Variants in SEL1L observed in about 807,000 individuals in gnomAD.
The protein encoded by SEL1L is protein sel-1 homolog 1.
In SEL1L, 52 loss-of-function variants were observed where a neutral mutation model predicts 109.8. The ratio of observed to expected loss-of-function variants is 0.47; its 90% CI spans 0.38 to 0.60. SEL1L has a LOEUF of 0.60. Ranked by LOEUF, SEL1L falls within the 20% of genes least tolerant of loss-of-function variation. SEL1L has a pLI of 0.00. For synonymous variants in SEL1L, 373 were observed against 339.6 expected (o/e 1.10, Z -1.08); for missense variants, 749 against 962.2 (o/e 0.78, Z 2.93).
In SEL1L at chr14:81,476,803, C is replaced by T. The variant is rs1903173613; in HGVS notation, c.*169G>A. 1 of 621,550 alleles carries T rather than the reference C, an allele frequency of 1.6e-6. No homozygotes were observed. Among genetic ancestry groups the T allele is most frequent in the Non-Finnish European group, 2.8e-6 (1 of 362,954 alleles). The allele number at this position is 621,550 out of a possible 1,614,324, so 38.5% of individuals were successfully genotyped here. A position where few individuals can be genotyped will look rare whatever the true frequency, so the allele number is the denominator to read the frequency against. On this transcript the variant is annotated 3_prime_UTR_variant, in exon 21 of 21. Transcript: ENST00000336735. ...CTCAGTTTAGGTAAGAGTTACTTAT[C>T]CCTGAAAATAAAGGCATCAGATTCT...
At chr14:81,520,850 A>G (rs999424091) in intron 3 of SEL1L, among the ~76,000 whole-genome samples, 3 of 152,214 alleles carry the variant, frequency 2.0e-5, no homozygotes, top group African/African-American at 7.2e-5. Context: ...ATCAAAGAAG[A>G]AACCAGTGAT....
chr14:81,497,185 C>T (rs758113492), intron 10 of SEL1L, among the ~76,000 whole-genome samples: 37 of 149,176 alleles, frequency 2.5e-4, no homozygotes, highest in Admixed American at 6.6e-4. Flanking sequence ...TTTAGATCTA[C>T]GTTTCACTAC....
At chr14:81,480,444 C>A (rs1903316883) in intron 19 of SEL1L, among the ~76,000 whole-genome samples, 1 of 152,220 alleles carries the variant, frequency 6.6e-6, no homozygotes, top group Non-Finnish European at 1.5e-5. Context: ...CCGCCTCAGC[C>A]TCCCAAAGTG....
At chr14:81,495,645 CA>C (rs1192201795) in intron 10 of SEL1L, among the ~76,000 whole-genome samples, 1 of 151,318 alleles carries the variant, frequency 6.6e-6, no homozygotes, top group Admixed American at 6.6e-5. Flanking sequence ...CTCAAAAAAA[CA>C]AAAAACGGGC....
Position 81,472,908 on chromosome 14 carries a change from C to T in SEL1L, c.*4064G>A, listed in dbSNP as rs1903049936. ...AAAGGTGCTTGGTTGTGGTATATTA[C>T]AGCATACAGGATAACCAGAGGTGGA... On this transcript the variant is annotated 3_prime_UTR_variant, in exon 21 of 21. Transcript: ENST00000336735. The T allele has an allele frequency of 4.8e-6, 1 of 208,386 alleles. No individual in the cohort carries two copies. Among genetic ancestry groups the T allele is most frequent in the South Asian group, 7.0e-5 (1 of 14,312 alleles). The allele number at this position is 208,386 out of a possible 1,614,324, so 12.9% of individuals were successfully genotyped here. A position where few individuals can be genotyped will look rare whatever the true frequency, so the allele number is the denominator to read the frequency against.
rs1903518898 is a variant in SEL1L at position 81,486,317 on chromosome 14, T to C, written c.1770A>G (p.Gln590=). The C allele has an allele frequency of 6.2e-7, 1 of 1,614,166 alleles. No individual in the cohort carries two copies. The change falls in exon 17 of 21, where the codon CAA becomes CAG. Residue 590 remains glutamine, a synonymous_variant. Coordinates refer to ENST00000336735, the MANE Select transcript of SEL1L (RefSeq NM_005065.6). ...GATCAAGAATAAAGGCTGCATTGCT[T>C]TGTGCCACTTCATAGCCCTGTTCAG... ...LLAEQGYEVA[Q]SNAAFILDQR...
At chr14:81,507,998 C>T (rs184218912) in intron 3 of SEL1L, among the ~76,000 whole-genome samples, 2 of 152,190 alleles carry the variant, frequency 1.3e-5, no homozygotes, top group East Asian at 3.9e-4. Context: ...AATAACAGTC[C>T]TTATTGTTTG....
At chr14:81,499,135 A>G (rs1210747662) in intron 8 of SEL1L, 2 of 1,037,026 alleles carry the variant, frequency 1.9e-6, no homozygotes, top group Non-Finnish European at 2.3e-6. Flanking sequence ...AAATTTTTAA[A>G]ATTATGATAA....
At position 81,479,600 on chromosome 14, in the gene SEL1L, C is replaced by G; in HGVS notation, c.2175+12G>C. On this transcript the variant is annotated intron_variant, in intron 20 of 20. Coordinates refer to ENST00000336735, the MANE Select transcript of SEL1L (RefSeq NM_005065.6). Reference sequence around the variant, plus strand: ...ATTTATATTTTAATGAAAAGAGGTACGGACCACTTACGTTTGTTTCCCGTA... The same window carrying G: ...ATTTATATTTTAATGAAAAGAGGTAGGGACCACTTACGTTTGTTTCCCGTA... 1 of 1,599,598 alleles carries G rather than the reference C, an allele frequency of 6.3e-7. No individual in the cohort carries two copies. The highest frequency in any genetic ancestry group is 8.5e-7 in the Non-Finnish European group (1 of 1,174,924).
chr14:81,516,507 T>C (rs1278248953), intron 3 of SEL1L, among the ~76,000 whole-genome samples: 2 of 152,200 alleles, frequency 1.3e-5, no homozygotes, highest in Non-Finnish European at 2.9e-5. Flanking sequence ...GGGAACAAGT[T>C]ACCCATTTGT....
intron 8 of SEL1L, chr14:81,499,206 A>G (rs1384699634): frequency 8.4e-7 from 1 of 1,192,678 alleles, no homozygotes; most frequent in African/African-American, 1.6e-5. Flanking sequence ...AGAGCCATTT[A>G]TCAGATCTCT....
chr14:81,490,458 G>A lies in SEL1L; in HGVS notation c.1262C>T (p.Ser421Leu), dbSNP rs775891234. The change falls in exon 13 of 21, where the codon TCG (serine) becomes TTG (leucine). Residue 421 changes from serine to leucine, a missense_variant. This residue lies in a region of SEL1L where 383 missense variants were observed against 562.5 expected (regional missense o/e 0.68). Transcript: ENST00000336735. Reference protein sequence around the residue: ...HAMAFLGKMYSEGSDIVPQSN... With the variant: ...HAMAFLGKMYLEGSDIVPQSN... The stretch of plus-strand genomic sequence containing the variant: ...CTGAGGTACAATGTCACTTCCTTCC[G>A]AATACATCTGGAAAACAGATCCCAA... The A allele has an allele frequency of 5.0e-6, 8 of 1,612,328 alleles. No homozygotes were observed. The highest frequency in any genetic ancestry group is 1.3e-5 in the African/African-American group (1 of 74,836).
At chr14:81,488,966 T>C (rs1328963322) in intron 14 of SEL1L, 2 of 411,442 alleles carry the variant, frequency 4.9e-6, no homozygotes, top group Admixed American at 9.4e-5. Flanking sequence ...GTTTAAGTCC[T>C]GAGAGATGGT....
chr14:81,507,891 T>C (rs1003184141), intron 3 of SEL1L, among the ~76,000 whole-genome samples: 1 of 152,206 alleles, frequency 6.6e-6, no homozygotes, highest in African/African-American at 2.4e-5. Context: ...GGTCAGAACA[T>C]TTGATGCAAA....
intron 3 of SEL1L, among the ~76,000 whole-genome samples, chr14:81,509,096 G>C (rs1468176200): frequency 2.0e-5 from 3 of 152,138 alleles, no homozygotes; most frequent in South Asian, 2.1e-4. Flanking sequence ...CCTTCTCCAA[G>C]GGAAATCACA....
At chr14:81,489,335 AC>A in intron 13 of SEL1L, 21 bp from the exon 14 acceptor site, 1 of 1,604,270 alleles carries the variant, frequency 6.2e-7, no homozygotes, top group Non-Finnish European at 8.5e-7. Flanking sequence ...GAGAAATCAG[AC>A]AAAAGAGTGA....
intron 1 of SEL1L, among the ~76,000 whole-genome samples, chr14:81,532,494 C>T (rs1885365965): frequency 6.6e-6 from 1 of 152,148 alleles, no homozygotes; most frequent in Admixed American, 6.6e-5. Context: ...TTAACTCAAA[C>T]CATCACTACT....
At chr14:81,524,838 C>T (rs1327951624) in intron 3 of SEL1L, among the ~76,000 whole-genome samples, 1 of 152,076 alleles carries the variant, frequency 6.6e-6, no homozygotes, top group Non-Finnish European at 1.5e-5. Flanking sequence ...CATGCCATTG[C>T]ACTCCAGACT....
intron 6 of SEL1L, among the ~76,000 whole-genome samples, chr14:81,502,408 T>C (rs1884053042): frequency 6.6e-6 from 1 of 152,342 alleles, no homozygotes; most frequent in East Asian, 1.9e-4. Context: ...ATCTGAACTT[T>C]GGAAAAATGC....
Sources: gnomAD v4.1 joint callset for allele counts (sites outside exome capture counted in the v4.1 genomes callset) on GRCh38, gnomAD v4.1.1 for gene constraint, gnomAD v4.1.1 regional missense constraint, MANE v1.5 for transcripts, NCBI Gene and HGNC (gene_info 2026-07-23, HGNC 2026-07-21) for gene names.